Variants in EPHA7 observed in about 807,000 individuals in gnomAD.
EPHA7 encodes the protein EPH receptor A7.
Under a neutral mutation model 112.6 loss-of-function variants are expected in EPHA7, and 25 were observed. The observed-to-expected ratio is 0.22, with a 90% CI of 0.16 to 0.31. EPHA7 has a LOEUF of 0.31. Ranked by LOEUF, EPHA7 falls within the 10% of genes least tolerant of loss-of-function variation. The probability of loss-of-function intolerance (pLI) is 1.00; values close to 1 mark genes in which losing one functional copy is unlikely to be tolerated. For missense variants in EPHA7, 962 were observed against 1,212.6 expected, an observed-to-expected ratio of 0.79 and a Z score of 3.07; for synonymous variants, 437 against 406.5, an observed-to-expected ratio of 1.07 and a Z score of -0.90.
At chr6:93,361,791 A>G (rs1776274063) in intron 3 of EPHA7, among the ~76,000 whole-genome samples, 1 of 152,062 alleles carries the variant, frequency 6.6e-6, no homozygotes, top group Non-Finnish European at 1.5e-5. Flanking sequence ...TTATTTCTCA[A>G]TCTGTTCAAT....
At chr6:93,343,997 C>A (rs561288867) in intron 5 of EPHA7, among the ~76,000 whole-genome samples, 16 of 151,676 alleles carry the variant, frequency 1.1e-4, no homozygotes, top group African/African-American at 3.9e-4. Flanking sequence ...ACAAATACTG[C>A]ACATAGCAAA....
chr6:93,324,373 C>A (rs539997046), intron 5 of EPHA7, among the ~76,000 whole-genome samples: 4 of 151,316 alleles, frequency 2.6e-5, no homozygotes, highest in Admixed American at 6.6e-5. Flanking sequence ...AATTGATCCT[C>A]ATAAACATCA....
chr6:93,256,102 G>C, intron 12 of EPHA7, 65 bp from the exon 13 acceptor site: 1 of 1,422,968 alleles, frequency 7.0e-7, no homozygotes, highest in Admixed American at 1.7e-5. Flanking sequence ...AAATCACCAT[G>C]AAAAATATCT....
At chr6:93,377,302 C>G (rs1157393018) in intron 3 of EPHA7, among the ~76,000 whole-genome samples, 1 of 152,026 alleles carries the variant, frequency 6.6e-6, no homozygotes, top group African/African-American at 2.4e-5. Flanking sequence ...TTAATACAAA[C>G]AGGTATCAGT....
In EPHA7 at chr6:93,410,324, G is replaced by C; in HGVS notation, c.832+177C>G. 1.6e-6 allele frequency: 1 copy of C among 610,390 alleles called. No individual in the cohort carries two copies. 37.8% of individuals were successfully genotyped at this position (610,390 alleles called of 1,614,324 possible). A position where few individuals can be genotyped will look rare whatever the true frequency, so the allele number is the denominator to read the frequency against. ...CACCTATATTGATTACATACACTTA[G>C]TGCAGATGCTACTGTAGGGCAATCA... On this transcript the variant is annotated intron_variant, in intron 3 of 16. Transcript: ENST00000369303. This position sits in a 1 kb window ranked among gnomAD's most constrained non-coding sequence, Gnocchi z 4.0.
intron 5 of EPHA7, among the ~76,000 whole-genome samples, chr6:93,300,562 T>G (rs538858122): frequency 6.6e-6 from 1 of 152,280 alleles, no homozygotes; most frequent in Admixed American, 6.5e-5. Flanking sequence ...TAATAAACAG[T>G]CCTCGATGTT....
intron 15 of EPHA7, 47 bp downstream of exon 15, chr6:93,246,745 T>C: frequency 6.7e-7 from 1 of 1,502,596 alleles, no homozygotes; most frequent in Non-Finnish European, 9.1e-7. Flanking sequence ...TGGTTTATGT[T>C]ACTATTGTAA....
intron 5 of EPHA7, among the ~76,000 whole-genome samples, chr6:93,347,489 C>T (rs1411842909): frequency 6.6e-6 from 1 of 151,756 alleles, no homozygotes; most frequent in Non-Finnish European, 1.5e-5. Flanking sequence ...TTTCTTGTCC[C>T]ATAAATAAAA....
chr6:93,396,526 A>G (rs1778180520), intron 3 of EPHA7, among the ~76,000 whole-genome samples: 1 of 151,894 alleles, frequency 6.6e-6, no homozygotes, highest in Non-Finnish European at 1.5e-5. Context: ...CTCTTTTAAT[A>G]TGTTCGAGAT....
At chr6:93,372,945 A>G (rs1776873667) in intron 3 of EPHA7, among the ~76,000 whole-genome samples, 1 of 152,054 alleles carries the variant, frequency 6.6e-6, no homozygotes, top group Non-Finnish European at 1.5e-5. Context: ...AAATTATACT[A>G]AAAGGAGATG....
chr6:93,364,700 A>G (rs1473033113), intron 3 of EPHA7, among the ~76,000 whole-genome samples: 1 of 152,088 alleles, frequency 6.6e-6, no homozygotes, highest in Non-Finnish European at 1.5e-5. Context: ...CATTTAGGTA[A>G]AAGAAATTAC....
chr6:93,415,259 G>A (rs1038640902), intron 1 of EPHA7, among the ~76,000 whole-genome samples: 2 of 151,960 alleles, frequency 1.3e-5, no homozygotes, highest in African/African-American at 4.8e-5. Context: ...CACATACAGT[G>A]TCGTTAAGCT....
chr6:93,320,869 T>C (rs1331386215), intron 5 of EPHA7, among the ~76,000 whole-genome samples: 1 of 151,968 alleles, frequency 6.6e-6, no homozygotes, highest in African/African-American at 2.4e-5. Flanking sequence ...TGTAGGAGCT[T>C]ACCAAGTCAG....
At chr6:93,263,155 T>A (rs1770767440) in intron 9 of EPHA7, among the ~76,000 whole-genome samples, 1 of 151,288 alleles carries the variant, frequency 6.6e-6, no homozygotes, top group South Asian at 2.1e-4. Flanking sequence ...AGTAATTTGG[T>A]TGTTAGGTTT....
At chr6:93,414,499 T>C (rs1779128857) in intron 2 of EPHA7, among the ~76,000 whole-genome samples, 1 of 151,664 alleles carries the variant, frequency 6.6e-6, no homozygotes, top group South Asian at 2.1e-4. Flanking sequence ...GCTATGAGGT[T>C]TTTTTTCCAT....
At chr6:93,274,248 CCTAA>C (rs1224492516) in intron 5 of EPHA7, among the ~76,000 whole-genome samples, 2 of 151,698 alleles carry the variant, frequency 1.3e-5, no homozygotes, top group African/African-American at 2.4e-5. Flanking sequence ...GGTTTCTATC[CCTAA>C]CTATCACTTT....
At chr6:93,266,952 A>G (rs1205655895) in intron 7 of EPHA7, among the ~76,000 whole-genome samples, 1 of 151,818 alleles carries the variant, frequency 6.6e-6, no homozygotes, top group Non-Finnish European at 1.5e-5. Context: ...AACTTTTCAT[A>G]GAGTCTGCAA....
intron 2 of EPHA7, among the ~76,000 whole-genome samples, chr6:93,413,311 T>A (rs1779066500): frequency 6.6e-6 from 1 of 151,960 alleles, no homozygotes; most frequent in Non-Finnish European, 1.5e-5. Context: ...TACTTTGGAC[T>A]GATAAAATGC....
chr6:93,398,797 T>G (rs1255887812), intron 3 of EPHA7, among the ~76,000 whole-genome samples: 2 of 152,082 alleles, frequency 1.3e-5, no homozygotes, highest in African/African-American at 4.8e-5. Context: ...AATTGTTATG[T>G]TCAGCTCTTA....
Sources: gnomAD v4.1 joint callset for allele counts (sites outside exome capture counted in the v4.1 genomes callset) on GRCh38, gnomAD v4.1.1 for gene constraint, Gnocchi (gnomAD v3.1) non-coding constraint, MANE v1.5 for transcripts, NCBI Gene and HGNC (gene_info 2026-07-23, HGNC 2026-07-21) for gene names.